The following SLX4IP variants were observed in gnomAD, a reference collection of about 807,000 sequenced individuals.
The protein encoded by SLX4IP is SLX4 interacting protein, also known as protein SLX4IP.
SLX4IP carries 34 observed loss-of-function variants against 32.9 expected under a neutral mutation model. The observed-to-expected ratio is 1.03, with a 90% CI of 0.79 to 1.38. The LOEUF is 1.38. SLX4IP is among the 40% of genes most tolerant of loss of function. SLX4IP has a pLI of 0.00. For synonymous variants in SLX4IP, 172 were observed against 171.7 expected (o/e 1.00, Z -0.01); for missense variants, 444 against 479.0 (o/e 0.93, Z 0.68).
intron 2 of SLX4IP, among the ~76,000 whole-genome samples, chr20:10,510,031 T>C (rs1377701039): frequency 1.3e-5 from 2 of 152,174 alleles, no homozygotes; most frequent in African/African-American, 2.4e-5. Flanking sequence ...CTATTAACAT[T>C]CTGTGTACAG....
intron 2 of SLX4IP, among the ~76,000 whole-genome samples, chr20:10,527,087 A>C (rs1237521768): frequency 6.6e-6 from 1 of 152,228 alleles, no homozygotes; most frequent in African/African-American, 2.4e-5. Flanking sequence ...TCTGGCTGTA[A>C]TGATCACATA....
At chr20:10,526,175 G>T (rs1191403996) in intron 2 of SLX4IP, among the ~76,000 whole-genome samples, 1 of 152,090 alleles carries the variant, frequency 6.6e-6, no homozygotes, top group Non-Finnish European at 1.5e-5. Context: ...AGACTTCAGG[G>T]TTCTTCCCCA....
chr20:10,461,810 C>T (rs543780072), intron 2 of SLX4IP, among the ~76,000 whole-genome samples: 1 of 152,308 alleles, frequency 6.6e-6, no homozygotes, highest in Admixed American at 6.5e-5. Context: ...CAGGATCTCA[C>T]TCAGTCGCCC....
chr20:10,481,935 A>T (rs911816991), intron 2 of SLX4IP, among the ~76,000 whole-genome samples: 3 of 152,206 alleles, frequency 2.0e-5, no homozygotes, highest in Admixed American at 2.0e-4. Context: ...AAGGCAACTC[A>T]CAACATGCGG....
rs1365706993 is a variant in SLX4IP, at chr20:10,625,345, C to G, written c.*1966C>G. On this transcript the variant is annotated 3_prime_UTR_variant, in exon 8 of 8. Transcript: ENST00000334534. ...AGGGGATAGACCAAGAAGCAGCTCT[C>G]TGGAAGAGTCTGGAATTAAAAAGAC... is the stretch of plus-strand genomic sequence containing the variant. 1 of 152,190 alleles carries G rather than the reference C, an allele frequency of 6.6e-6. No homozygotes were observed. The highest frequency in any genetic ancestry group is 1.5e-5 in the Non-Finnish European group (1 of 68,056). 9.4% of individuals were successfully genotyped at this position (152,190 alleles called of 1,614,324 possible).
chr20:10,567,408 C>T (rs1482475709), intron 4 of SLX4IP, among the ~76,000 whole-genome samples: 6 of 152,112 alleles, frequency 3.9e-5, no homozygotes, highest in Admixed American at 3.3e-4. Flanking sequence ...TTTGCCCTTC[C>T]TCCTTCTGCC....
intron 4 of SLX4IP, among the ~76,000 whole-genome samples, chr20:10,565,053 C>G (rs1238511054): frequency 6.6e-6 from 1 of 150,498 alleles, no homozygotes; most frequent in African/African-American, 2.4e-5. Context: ...TTTTTTTTTT[C>G]CTTTTGTCAC....
At chr20:10,589,043 C>T (rs1441652544) in intron 4 of SLX4IP, among the ~76,000 whole-genome samples, 1 of 152,034 alleles carries the variant, frequency 6.6e-6, no homozygotes, top group African/African-American at 2.4e-5. Context: ...ATGTTCTATA[C>T]CTTAAATGTA....
At chr20:10,523,271 C>T (rs891876198) in intron 2 of SLX4IP, among the ~76,000 whole-genome samples, 2 of 152,086 alleles carry the variant, frequency 1.3e-5, no homozygotes, top group African/African-American at 4.8e-5. Context: ...GCTTTCTCCT[C>T]CTGGTGGAAG....
At chr20:10,611,283 A>T (rs6133976) in intron 6 of SLX4IP, among the ~76,000 whole-genome samples, 2 of 152,358 alleles carry the variant, frequency 1.3e-5, no homozygotes, top group East Asian at 3.9e-4. Context: ...AAGAGATTGT[A>T]TCAGTCTTGA....
chr20:10,538,222 T>C (rs1229646615), intron 2 of SLX4IP, among the ~76,000 whole-genome samples: 8 of 152,144 alleles, frequency 5.3e-5, no homozygotes, highest in Admixed American at 3.9e-4. Flanking sequence ...TTTTTCTTCC[T>C]CCTCTTGGCC....
At chr20:10,531,610 G>T (rs373331572) in intron 2 of SLX4IP, among the ~76,000 whole-genome samples, 6 of 152,336 alleles carry the variant, frequency 3.9e-5, no homozygotes, top group African/African-American at 1.4e-4. Context: ...TCAGTCAGGG[G>T]TTAGACAGAC....
chr20:10,487,645 C>T (rs990849143), intron 2 of SLX4IP, among the ~76,000 whole-genome samples: 6 of 152,122 alleles, frequency 3.9e-5, no homozygotes, highest in Non-Finnish European at 7.4e-5. Flanking sequence ...GAGACTGAGA[C>T]CTGTTGGGAA....
chr20:10,583,390 C>G (rs1355198064), intron 4 of SLX4IP, among the ~76,000 whole-genome samples: 1 of 152,194 alleles, frequency 6.6e-6, no homozygotes, highest in African/African-American at 2.4e-5. Flanking sequence ...TGTACACATT[C>G]ATTGCACTCG....
chr20:10,443,196 G>T (rs369238405), intron 1 of SLX4IP, among the ~76,000 whole-genome samples: 1 of 151,982 alleles, frequency 6.6e-6, no homozygotes, highest in African/African-American at 2.4e-5. Flanking sequence ...GTAAAGATAC[G>T]TTGGATAAAT....
intron 2 of SLX4IP, among the ~76,000 whole-genome samples, chr20:10,485,801 A>G (rs568824686): frequency 1.6e-3 from 241 of 152,340 alleles, no homozygotes; most frequent in African/African-American, 5.6e-3. Context: ...CTGTATGCTT[A>G]TTATTTAGTA....
chr20:10,474,543 C>G (rs1306251403), intron 2 of SLX4IP, among the ~76,000 whole-genome samples: 1 of 152,136 alleles, frequency 6.6e-6, no homozygotes, highest in South Asian at 2.1e-4. Flanking sequence ...ATTTACATCT[C>G]TGTGGAGTTT....
At chr20:10,582,316 A>T (rs945724120) in intron 4 of SLX4IP, among the ~76,000 whole-genome samples, 4 of 152,030 alleles carry the variant, frequency 2.6e-5, no homozygotes, top group Non-Finnish European at 5.9e-5. Flanking sequence ...CTTATTTTAA[A>T]TTCCCTCTGT....
intron 6 of SLX4IP, among the ~76,000 whole-genome samples, chr20:10,618,967 C>T (rs1279294054): frequency 6.6e-6 from 1 of 151,986 alleles, no homozygotes; most frequent in African/African-American, 2.4e-5. Context: ...GGAGCAGCAC[C>T]AGAGGCTCTG....
Sources: gnomAD v4.1 joint callset for allele counts (sites outside exome capture counted in the v4.1 genomes callset) on GRCh38, gnomAD v4.1.1 for gene constraint, MANE v1.5 for transcripts, NCBI Gene and HGNC (gene_info 2026-07-23, HGNC 2026-07-21) for gene names.